The following SMIM21 variants were observed in gnomAD, a reference collection of about 807,000 sequenced individuals.
SMIM21 encodes chromosome 18 open reading frame 62.
SMIM21 carries 8 observed loss-of-function variants against 8.6 expected under a neutral mutation model. The observed-to-expected ratio is 0.93, with a 90% CI of 0.55 to 1.68. The LOEUF (loss-of-function observed/expected upper bound fraction) is 1.68. Among genes scored for constraint, SMIM21 ranks in the 40% most tolerant of loss-of-function variants. The pLI, the probability that SMIM21 is intolerant of heterozygous loss-of-function variation, is 0.00. For synonymous variants in SMIM21, 43 were observed against 41.7 expected, an observed-to-expected ratio of 1.03 and a Z score of -0.12; for missense variants, 132 against 123.0, an observed-to-expected ratio of 1.07 and a Z score of -0.35.
rs143660468 is a variant in SMIM21, at chr18:75,410,172, C to T, written c.*692G>A. 549 of 152,734 alleles carry T rather than the reference C, an allele frequency of 3.6e-3. 1 individual carries two copies. The highest frequency in any genetic ancestry group is 0.014 in the Middle Eastern group (4 of 294). 9.5% of individuals were successfully genotyped at this position (152,734 alleles called of 1,614,324 possible). ...AACTCATCTGCCTCGACTTGTTGCCCGTCTTCAGACAGTGCTCCATCCTAA... is the reference window on the plus strand; with the variant it reads ...AACTCATCTGCCTCGACTTGTTGCCTGTCTTCAGACAGTGCTCCATCCTAA... On this transcript the variant is annotated 3_prime_UTR_variant, in exon 3 of 3. Coordinates refer to ENST00000579022, the MANE Select transcript of SMIM21 (RefSeq NM_001037331.3).
chr18:75,422,246 G>A (rs1040828647), intron 1 of SMIM21, among the ~76,000 whole-genome samples: 1 of 152,188 alleles, frequency 6.6e-6, no homozygotes, highest in Admixed American at 6.5e-5. Context: ...ATATGGGGAA[G>A]CAGGGATATA....
At chr18:75,422,486 CAT>C (rs1311402016) in intron 1 of SMIM21, among the ~76,000 whole-genome samples, 1 of 152,088 alleles carries the variant, frequency 6.6e-6, no homozygotes, top group African/African-American at 2.4e-5. Context: ...GAAGTAAAAA[CAT>C]ATGTCCACAC....
At chr18:75,425,950 C>T (rs1308124778) in intron 1 of SMIM21, among the ~76,000 whole-genome samples, 5 of 152,104 alleles carry the variant, frequency 3.3e-5, no homozygotes, top group African/African-American at 1.2e-4. Flanking sequence ...CTACTGTGTA[C>T]CTGGTGCAGA....
chr18:75,418,105 C>CTTTATT (rs941989362), intron 2 of SMIM21: 30 of 398,062 alleles, frequency 7.5e-5, no homozygotes, highest in Middle Eastern at 1.3e-3. Flanking sequence ...TGAGTGGGTG[C>CTTTATT]TTTATTTTTA....
intron 2 of SMIM21, among the ~76,000 whole-genome samples, chr18:75,414,102 C>CACACACAA (rs1257326441): frequency 7.3e-6 from 1 of 137,824 alleles, no homozygotes; most frequent in African/African-American, 2.5e-5. Flanking sequence ...CACACATACA[C>CACACACAA]ACACACACAC....
At chr18:75,414,751 T>G (rs1335568286) in intron 2 of SMIM21, among the ~76,000 whole-genome samples, 1 of 152,142 alleles carries the variant, frequency 6.6e-6, no homozygotes, top group African/African-American at 2.4e-5. Context: ...AGAGTGGGCA[T>G]TTGGCAAACA....
rs1289489994 is a variant in SMIM21 at position 75,410,542 on chromosome 18, C to G, written c.*322G>C. On this transcript the variant is annotated 3_prime_UTR_variant, in exon 3 of 3. Transcript: ENST00000579022. The stretch of plus-strand genomic sequence containing the variant: ...ACAGCAGCAATTGAAAATATGACTA[C>G]AGGCTTGATGTCCTAATGAAGAAGT... 2 of 387,002 alleles carry G rather than the reference C, an allele frequency of 5.2e-6. No homozygotes were observed. Among genetic ancestry groups the G allele is most frequent in the Non-Finnish European group, 9.0e-6 (2 of 223,346 alleles). 24.0% of individuals were successfully genotyped at this position (387,002 alleles called of 1,614,324 possible).
chr18:75,424,026 A>C (rs1029263906), intron 1 of SMIM21, among the ~76,000 whole-genome samples: 2 of 139,136 alleles, frequency 1.4e-5, no homozygotes, highest in African/African-American at 4.9e-5. Context: ...GTTGCAATGC[A>C]TTGCTTCAAG....
At chr18:75,411,685 A>G (rs2024586597) in intron 2 of SMIM21, among the ~76,000 whole-genome samples, 1 of 152,214 alleles carries the variant, frequency 6.6e-6, no homozygotes, top group Non-Finnish European at 1.5e-5. Context: ...GCAGCCTGAT[A>G]TTATGAAAAT....
In SMIM21 at chr18:75,427,680, G is replaced by T. The variant is rs1043756511; in HGVS notation, c.-117C>A. 1 of 1,117,494 alleles carries T rather than the reference G, an allele frequency of 8.9e-7. No homozygotes were observed. Among genetic ancestry groups the T allele is most frequent in the Non-Finnish European group, 1.2e-6 (1 of 829,862 alleles). The allele number at this position is 1,117,494 out of a possible 1,614,324, so 69.2% of individuals were successfully genotyped here. On this transcript the variant is annotated 5_prime_UTR_variant, in exon 1 of 3. Transcript: ENST00000579022. ...TTCCCAAGGAGCTTTTCTCTTCTTT[G>T]CCAACCTTGAAGATCTGGGTATTAT...
At chr18:75,416,881 A>G (rs1036725838) in intron 2 of SMIM21, 2 of 152,042 alleles carry the variant, frequency 1.3e-5, no homozygotes, top group African/African-American at 4.8e-5. Context: ...TCCTTGCTGT[A>G]AGTTGGGAGG....
At chr18:75,414,122 TACAC>T (rs150399683) in intron 2 of SMIM21, among the ~76,000 whole-genome samples, 1 of 145,348 alleles carries the variant, frequency 6.9e-6, no homozygotes, top group South Asian at 2.2e-4. Flanking sequence ...CACACACACA[TACAC>T]ACACACACAC....
chr18:75,412,320 G>A (rs778641932), intron 2 of SMIM21, among the ~76,000 whole-genome samples: 1 of 152,192 alleles, frequency 6.6e-6, no homozygotes, highest in African/African-American at 2.4e-5. Context: ...AAGAAAATAC[G>A]GTGAATTTAA....
chr18:75,426,909 G>T (rs1339969560), intron 1 of SMIM21, among the ~76,000 whole-genome samples: 1 of 152,148 alleles, frequency 6.6e-6, no homozygotes, highest in Non-Finnish European at 1.5e-5. Context: ...TCTGCAAATG[G>T]GGTGTCTATA....
intron 1 of SMIM21, among the ~76,000 whole-genome samples, chr18:75,421,093 T>C (rs2024703665): frequency 6.6e-6 from 1 of 152,228 alleles, no homozygotes; most frequent in African/African-American, 2.4e-5. Flanking sequence ...TTTGTTCTAT[T>C]TGGGTTGATC....
intron 1 of SMIM21, among the ~76,000 whole-genome samples, chr18:75,427,067 GT>G (rs1391198196): frequency 6.6e-6 from 1 of 152,180 alleles, no homozygotes; most frequent in Non-Finnish European, 1.5e-5. Context: ...GTTTGTAGGT[GT>G]TGCAGGTGCA....
intron 1 of SMIM21, among the ~76,000 whole-genome samples, chr18:75,424,988 A>G (rs558311272): frequency 6.6e-6 from 1 of 152,366 alleles, no homozygotes; most frequent in Admixed American, 6.5e-5. Context: ...CAAGCCTGGT[A>G]GTGGATCAGC....
At chr18:75,419,125 A>G (rs2024682969) in intron 1 of SMIM21, 2 of 384,600 alleles carry the variant, frequency 5.2e-6, no homozygotes, top group Non-Finnish European at 9.3e-6. Flanking sequence ...ATGTAAAACA[A>G]CTCTTGAGAT....
At chr18:75,416,078 A>G (rs1040577801) in intron 2 of SMIM21, 2 of 152,234 alleles carry the variant, frequency 1.3e-5, no homozygotes, top group African/African-American at 4.8e-5. Context: ...TGGCATGGCC[A>G]AAGGGTATGC....
Sources: allele counts gnomAD v4.1 joint callset (sites outside exome capture counted in the v4.1 genomes callset), GRCh38; gene constraint gnomAD v4.1.1; transcripts MANE v1.5; gene names NCBI Gene and HGNC (gene_info 2026-07-23, HGNC 2026-07-21).